NHSL2: variants seen among roughly 807,000 people sequenced by gnomAD.
The protein encoded by NHSL2 is NHS like 2, also known as NHS-like protein 2.
A neutral mutation model predicts 53.4 loss-of-function variants in NHSL2; 27 were observed. That is an observed-to-expected ratio of 0.51 (90% CI 0.37 to 0.70). NHSL2 has a LOEUF of 0.70. Among genes scored for constraint, NHSL2 ranks in the 30% least tolerant of loss-of-function variants. NHSL2 has a pLI of 0.00. For synonymous variants in NHSL2, 408 were observed against 404.1 expected (o/e 1.01, Z -0.12); for missense variants, 892 against 980.1 (o/e 0.91, Z 1.20).
At chrX:71,937,041 A>T (rs1293651421) in intron 1 of NHSL2, among the ~76,000 whole-genome samples, 1 of 112,025 alleles carries the variant, frequency 8.9e-6, no homozygotes, top group Admixed American at 9.4e-5. Flanking sequence ...AAGATCACAT[A>T]GCAAGTAAAT....
chrX:72,055,812 G>A lies in NHSL2; in HGVS notation c.281-76267G>A, dbSNP rs12391910. ...TGCTTAACAGAAACGCAAATGTTCC[G>A]AACCTTGAGACTAAAAATCTACTTC... On this transcript the variant is annotated intron_variant, in intron 1 of 7. Transcript: ENST00000633930. 7.5e-3 allele frequency among the ~76,000 whole-genome samples: 844 copies of A among 112,171 alleles called. 9 individuals are homozygous for A. Among genetic ancestry groups the A allele is most frequent in the African/African-American group, 0.026 (791 of 30,900 alleles).
At chrX:71,994,596 C>T (rs1192972989) in intron 1 of NHSL2, among the ~76,000 whole-genome samples, 2 of 111,384 alleles carry the variant, frequency 1.8e-5, no homozygotes, top group African/African-American at 3.3e-5. Context: ...TGCACATGTA[C>T]CCCTGAACCT....
chrX:72,068,421 C>G (rs2042444247), intron 1 of NHSL2, among the ~76,000 whole-genome samples: 1 of 112,422 alleles, frequency 8.9e-6, no homozygotes, highest in Non-Finnish European at 1.9e-5. Context: ...GCCCCCTGTC[C>G]CAGTGAGCAG....
chrX:72,077,891 G>A (rs773389384), intron 1 of NHSL2, among the ~76,000 whole-genome samples: 4 of 112,550 alleles, frequency 3.6e-5, no homozygotes, highest in African/African-American at 6.5e-5. Context: ...CCAGGGTACC[G>A]GTCAGAAAGG....
At chrX:72,131,893 G>A (rs2042306318) in intron 1 of NHSL2, 186 bp from the exon 2 acceptor site, 2 of 409,490 alleles carry the variant, frequency 4.9e-6, no homozygotes, top group South Asian at 7.5e-5. Flanking sequence ...GGGAGGGAGC[G>A]GACTGCGGCA....
At chrX:72,015,703 T>C (rs368357812) in intron 1 of NHSL2, among the ~76,000 whole-genome samples, 34 of 112,335 alleles carry the variant, frequency 3.0e-4, no homozygotes, top group African/African-American at 9.7e-4. Flanking sequence ...AAAGATGATA[T>C]CTGGTGGTTG....
intron 1 of NHSL2, among the ~76,000 whole-genome samples, chrX:72,089,947 A>T (rs1336068723): frequency 8.9e-6 from 1 of 112,083 alleles, no homozygotes. Flanking sequence ...TTTTTCGAAG[A>T]CTACGCACAG....
rs1050131121 is a variant in NHSL2 at position 72,150,245 on chromosome X, G to A, written c.*6671G>A. On this transcript the variant is annotated 3_prime_UTR_variant, in exon 8 of 8. Transcript: ENST00000633930. The stretch of plus-strand genomic sequence containing the variant: ...GAAAAATGAGTTTTTTAGATATCAA[G>A]TATCATTTTTTAGAGGTAAACTTCC... 5 of 112,248 alleles carry A rather than the reference G, an allele frequency of 4.5e-5. No homozygotes were observed. Among genetic ancestry groups the A allele is most frequent in the African/African-American group, 1.3e-4 (4 of 30,867 alleles). The allele number at this position is 112,248 out of a possible 1,213,427, so 9.3% of individuals were successfully genotyped here.
intron 1 of NHSL2, among the ~76,000 whole-genome samples, chrX:72,020,120 T>G (rs757124360): frequency 2.3e-4 from 26 of 112,827 alleles, no homozygotes; most frequent in Non-Finnish European, 4.5e-4. Context: ...TTTACAGATT[T>G]TTACACTAAC....
chrX:71,942,276 TAGTC>T (rs1203018823), intron 1 of NHSL2, among the ~76,000 whole-genome samples: 3 of 112,291 alleles, frequency 2.7e-5, no homozygotes, highest in Non-Finnish European at 5.6e-5. Context: ...GGCACCCTGA[TAGTC>T]AGGGCATCTT....
intron 5 of NHSL2, among the ~76,000 whole-genome samples, chrX:72,138,184 G>A (rs773548690): frequency 8.9e-6 from 1 of 111,833 alleles, no homozygotes; most frequent in Non-Finnish European, 1.9e-5. Context: ...TGACACTTCA[G>A]CTCTAAGAGG....
chrX:72,088,293 C>CTGCCTT (rs771686667), intron 1 of NHSL2, among the ~76,000 whole-genome samples: 12 of 112,185 alleles, frequency 1.1e-4, no homozygotes, highest in Non-Finnish European at 2.1e-4. Flanking sequence ...ACCTTTGTGG[C>CTGCCTT]TGCCTTTTCT....
At chrX:71,947,072 G>A (rs913121926) in intron 1 of NHSL2, among the ~76,000 whole-genome samples, 1 of 111,915 alleles carries the variant, frequency 8.9e-6, no homozygotes, top group African/African-American at 3.3e-5. Flanking sequence ...CCTCAGCTGC[G>A]CACCCTCTAC....
intron 1 of NHSL2, chrX:72,131,110 G>A (rs1343973279): frequency 1.7e-6 from 2 of 1,202,456 alleles, no homozygotes; most frequent in Non-Finnish European, 2.2e-6. Context: ...CGGTGCCAGA[G>A]GGGGTTGCGG....
chrX:71,980,562 TGTGTGG>T (rs2041972267), intron 1 of NHSL2, among the ~76,000 whole-genome samples: 2 of 1,817 alleles, frequency 1.1e-3, no homozygotes, highest in African/African-American at 2.5e-3. Flanking sequence ...GTGTGTGGGG[TGTGTGG>T]GGTGTGTGTG....
chrX:72,121,047 G>A (rs1293548701), intron 1 of NHSL2, among the ~76,000 whole-genome samples: 2 of 112,562 alleles, frequency 1.8e-5, no homozygotes, highest in Non-Finnish European at 3.8e-5. Context: ...AGTGCCACTC[G>A]CTTTGAGTCT....
chrX:72,045,101 C>T (rs1477021478), intron 1 of NHSL2, among the ~76,000 whole-genome samples: 1 of 111,584 alleles, frequency 9.0e-6, no homozygotes, highest in East Asian at 2.8e-4. Flanking sequence ...CTGGAGACAA[C>T]TAAGACCCAG....
At chrX:71,943,294 C>T (rs779173551) in intron 1 of NHSL2, among the ~76,000 whole-genome samples, 2 of 112,120 alleles carry the variant, frequency 1.8e-5, no homozygotes, top group African/African-American at 3.2e-5. Context: ...TGTCATCACC[C>T]GTTTGAATAC....
At chrX:71,923,419 T>C (rs1333484588) in intron 1 of NHSL2, among the ~76,000 whole-genome samples, 1 of 112,259 alleles carries the variant, frequency 8.9e-6, no homozygotes, top group Non-Finnish European at 1.9e-5. Flanking sequence ...CCATGTGCAG[T>C]CAGACAAGGC....
Sources: gnomAD v4.1 joint callset for allele counts (sites outside exome capture counted in the v4.1 genomes callset) on GRCh38, gnomAD v4.1.1 for gene constraint, MANE v1.5 for transcripts, NCBI Gene and HGNC (gene_info 2026-07-23, HGNC 2026-07-21) for gene names.